Variants in UBQLN1 observed in about 807,000 individuals in gnomAD.
The protein encoded by UBQLN1 is ubiquilin-1.
A neutral mutation model predicts 65.4 loss-of-function variants in UBQLN1; 13 were observed. That is an observed-to-expected ratio of 0.20 (90% CI 0.13 to 0.32). The LOEUF (loss-of-function observed/expected upper bound fraction) is 0.32, where lower values mean the gene tolerates loss of function less well. Ranked by LOEUF, UBQLN1 falls within the 10% of genes least tolerant of loss-of-function variation. The pLI is 1.00. For missense variants in UBQLN1, 561 were observed against 724.0 expected (o/e 0.77, Z 2.58); for synonymous variants, 267 against 247.8 (o/e 1.08, Z -0.73).
intron 6 of UBQLN1, among the ~76,000 whole-genome samples, chr9:83,671,037 C>A (rs1831721223): frequency 6.6e-6 from 1 of 152,142 alleles, no homozygotes; most frequent in Non-Finnish European, 1.5e-5. Flanking sequence ...ACGAACATAG[C>A]TCACTGCTGC....
At position 83,661,743 on chromosome 9, in the gene UBQLN1, G is replaced by T; in HGVS notation, c.*44C>A. On this transcript the variant is annotated 3_prime_UTR_variant, in exon 11 of 11. Transcript: ENST00000376395. Reference sequence around the variant, plus strand: ...GCAGGTATTTTAAAGTTTAAGAGCCGTTATCAAAAATAAATTACATTTTTT... The same window carrying T: ...GCAGGTATTTTAAAGTTTAAGAGCCTTTATCAAAAATAAATTACATTTTTT... 1 of 1,555,286 alleles carries T rather than the reference G, an allele frequency of 6.4e-7. No individual in the cohort carries two copies. The highest frequency in any genetic ancestry group is 8.7e-7 in the Non-Finnish European group (1 of 1,150,134).
At chr9:83,688,534 T>C (rs570622426) in intron 1 of UBQLN1, among the ~76,000 whole-genome samples, 3 of 152,208 alleles carry the variant, frequency 2.0e-5, no homozygotes, top group African/African-American at 7.2e-5. Context: ...AGCATTTTAT[T>C]GTATTTTAGG....
At chr9:83,707,254 AGAAG>A (rs1832426844) in intron 1 of UBQLN1, among the ~76,000 whole-genome samples, 1 of 152,124 alleles carries the variant, frequency 6.6e-6, no homozygotes, top group Admixed American at 6.5e-5. Flanking sequence ...CGGATACCAG[AGAAG>A]GAAGGCTCCG....
rs569715606 is a variant in UBQLN1 at position 83,683,381 on chromosome 9, G to A, written c.333-315C>T. ...GAGCGAGATCGCGCCACTGCACTCC[G>A]TCCAGCCTGGGCAACAGAGCGAGAC... is the stretch of plus-strand genomic sequence containing the variant. On this transcript the variant is annotated intron_variant, in intron 2 of 10. Transcript: ENST00000376395. 4.4e-4 allele frequency among the ~76,000 whole-genome samples: 58 copies of A among 133,266 alleles called. 1 individual carries two copies. The highest frequency in any genetic ancestry group is 1.4e-3 in the African/African-American group (52 of 35,932). The allele number at this position is 133,266 out of a possible 152,430, so 87.4% of individuals were successfully genotyped here.
intron 1 of UBQLN1, among the ~76,000 whole-genome samples, chr9:83,688,111 T>G (rs1425195304): frequency 6.6e-6 from 1 of 152,188 alleles, no homozygotes; most frequent in African/African-American, 2.4e-5. Context: ...AGTAATATAA[T>G]GAATGGCAGA....
At position 83,682,571 on chromosome 9, in the gene UBQLN1, T is replaced by C. The variant is rs561753250; in HGVS notation, c.448+380A>G. ...GGCTGGCTTCCCAGACCCCCTTCCATGTGTTCAGGACAGTTACAAAATAAC... is the reference window on the plus strand; with the variant it reads ...GGCTGGCTTCCCAGACCCCCTTCCACGTGTTCAGGACAGTTACAAAATAAC... On this transcript the variant is annotated intron_variant, in intron 3 of 10. Coordinates refer to ENST00000376395, the MANE Select transcript of UBQLN1 (RefSeq NM_013438.5). 6.6e-4 allele frequency among the ~76,000 whole-genome samples: 100 copies of C among 152,300 alleles called. 1 individual carries two copies. Among genetic ancestry groups the C allele is most frequent in the African/African-American group, 2.4e-3 (99 of 41,566 alleles).
intron 1 of UBQLN1, among the ~76,000 whole-genome samples, chr9:83,691,185 T>TAC (rs1166881650): frequency 4.4e-5 from 6 of 135,154 alleles, no homozygotes; most frequent in African/African-American, 8.8e-5. Flanking sequence ...CATATATATA[T>TAC]ACACATATAA....
At chr9:83,682,650 G>A (rs778169665) in intron 3 of UBQLN1, among the ~76,000 whole-genome samples, 1 of 152,060 alleles carries the variant, frequency 6.6e-6, no homozygotes, top group Non-Finnish European at 1.5e-5. Flanking sequence ...ATTCAGGGAC[G>A]CTGGCTTACG....
chr9:83,688,657 T>C (rs1264179892), intron 1 of UBQLN1, among the ~76,000 whole-genome samples: 1 of 151,470 alleles, frequency 6.6e-6, no homozygotes, highest in Non-Finnish European at 1.5e-5. Context: ...GGTCAGGAGA[T>C]AGAGAACATC....
intron 6 of UBQLN1, among the ~76,000 whole-genome samples, chr9:83,671,019 G>A (rs1831720841): frequency 6.6e-6 from 1 of 152,070 alleles, no homozygotes; most frequent in African/African-American, 2.4e-5. Context: ...TGGAGTGAGG[G>A]GAGTGGCACG....
chr9:83,699,004 G>A (rs1392754877), intron 1 of UBQLN1, among the ~76,000 whole-genome samples: 2 of 151,496 alleles, frequency 1.3e-5, no homozygotes, highest in African/African-American at 4.9e-5. Context: ...AATCACAAAA[G>A]GCCAAACACT....
rs1832447212 is a variant in UBQLN1 at position 83,707,886 on chromosome 9, T to C, written c.-207A>G. ...TCTGGCGCAGGCCCGGGTCAGGCGC[T>C]CGGCAGCCGCCGTGTGTTCAGGCGC... On this transcript the variant is annotated 5_prime_UTR_variant, in exon 1 of 11. Transcript: ENST00000376395. 7 of 649,746 alleles carry C rather than the reference T, an allele frequency of 1.1e-5. No individual in the cohort carries two copies. The South Asian group carries it at 1.3e-4, about 12-fold the overall frequency. The allele number at this position is 649,746 out of a possible 1,614,324, so 40.2% of individuals were successfully genotyped here. A position where few individuals can be genotyped will look rare whatever the true frequency, so the allele number is the denominator to read the frequency against.
chr9:83,664,614 T>C (rs1831613142), intron 9 of UBQLN1, among the ~76,000 whole-genome samples: 1 of 151,084 alleles, frequency 6.6e-6, no homozygotes, highest in Non-Finnish European at 1.5e-5. Context: ...AATAAATAAA[T>C]AAAAACGGTG....
intron 6 of UBQLN1, among the ~76,000 whole-genome samples, chr9:83,675,843 C>G (rs1302874979): frequency 3.9e-5 from 6 of 152,140 alleles, no homozygotes; most frequent in Non-Finnish European, 8.8e-5. Flanking sequence ...ACACTGAACC[C>G]CAATTATGCA....
intron 6 of UBQLN1, among the ~76,000 whole-genome samples, chr9:83,672,033 T>G (rs1176480448): frequency 6.6e-6 from 1 of 152,252 alleles, no homozygotes; most frequent in Non-Finnish European, 1.5e-5. Flanking sequence ...TGGAGTTGGC[T>G]TCTTTCCTTA....
chr9:83,661,261 T>C lies in UBQLN1; in HGVS notation c.*526A>G, dbSNP rs998877681. 2.6e-5 allele frequency: 4 copies of C among 153,706 alleles called. No individual in the cohort carries two copies. The highest frequency in any genetic ancestry group is 1.3e-4 in the Admixed American group (2 of 15,286). 9.5% of individuals were successfully genotyped at this position (153,706 alleles called of 1,614,324 possible). On this transcript the variant is annotated 3_prime_UTR_variant, in exon 11 of 11. Coordinates refer to ENST00000376395, the MANE Select transcript of UBQLN1 (RefSeq NM_013438.5). ...ACAGGTGTTTTGCTCAGAGAGCCTA[T>C]TGCAGTATGTTTCCAGAAATGCAGT...
intron 1 of UBQLN1, among the ~76,000 whole-genome samples, chr9:83,689,954 T>TG (rs1832099162): frequency 6.6e-6 from 1 of 152,204 alleles, no homozygotes; most frequent in African/African-American, 2.4e-5. Context: ...ACAAATGCAC[T>TG]GAATGGTTCA....
chr9:83,706,775 C>T (rs752948653), intron 1 of UBQLN1, among the ~76,000 whole-genome samples: 3 of 152,100 alleles, frequency 2.0e-5, no homozygotes, highest in Non-Finnish European at 4.4e-5. Flanking sequence ...ACATCGCTAT[C>T]GCCCCTCTAA....
chr9:83,707,877 G>C lies in UBQLN1; in HGVS notation c.-198C>G, dbSNP rs1832446757. On this transcript the variant is annotated 5_prime_UTR_variant, in exon 1 of 11. Transcript: ENST00000376395. The stretch of plus-strand genomic sequence containing the variant: ...GGTGCAGGCTCTGGCGCAGGCCCGG[G>C]TCAGGCGCTCGGCAGCCGCCGTGTG... The C allele has an allele frequency of 2.7e-6, 2 of 734,220 alleles. No homozygotes were observed. The highest frequency in any genetic ancestry group is 4.0e-6 in the Non-Finnish European group (2 of 493,938). The allele number at this position is 734,220 out of a possible 1,614,324, so 45.5% of individuals were successfully genotyped here. A position where few individuals can be genotyped will look rare whatever the true frequency, so the allele number is the denominator to read the frequency against.
Sources: allele counts gnomAD v4.1 joint callset (sites outside exome capture counted in the v4.1 genomes callset), GRCh38; gene constraint gnomAD v4.1.1; transcripts MANE v1.5; gene names NCBI Gene and HGNC (gene_info 2026-07-23, HGNC 2026-07-21).